MPDZ: variants seen among roughly 807,000 people sequenced by gnomAD.
MPDZ encodes multiple PDZ domain protein.
Under a neutral mutation model 239.1 loss-of-function variants are expected in MPDZ, and 234 were observed. That is an observed-to-expected ratio of 0.98 (90% CI 0.88 to 1.09). The LOEUF is 1.09. Ranked by LOEUF, MPDZ falls within the 50% of genes least tolerant of loss-of-function variation. The pLI is 0.00. For missense variants in MPDZ, 3,175 were observed against 2,510.0 expected, an observed-to-expected ratio of 1.26 and a Z score of -5.66; for synonymous variants, 1,048 against 881.3, an observed-to-expected ratio of 1.19 and a Z score of -3.35.
At chr9:13,173,211 A>T (rs1952014556) in intron 21 of MPDZ, among the ~76,000 whole-genome samples, 1 of 152,208 alleles carries the variant, frequency 6.6e-6, no homozygotes, top group Non-Finnish European at 1.5e-5. Flanking sequence ...TGGCTACACA[A>T]CAATGTGAGT....
chr9:13,130,089 C>G (rs995900100), intron 32 of MPDZ, among the ~76,000 whole-genome samples: 2 of 152,140 alleles, frequency 1.3e-5, no homozygotes, highest in Middle Eastern at 3.2e-3. Flanking sequence ...AGGCTACTAC[C>G]TGCTTTGATG....
At chr9:13,279,182 C>T (rs1179222023) in intron 1 of MPDZ, 1 of 149,284 alleles carries the variant, frequency 6.7e-6, no homozygotes, top group South Asian at 2.1e-4. Context: ...GCGGCTTCCG[C>T]GAAGCGCCGG....
chr9:13,112,296 T>C (rs983160042), intron 42 of MPDZ, 150 bp from the exon 43 acceptor site: 6 of 736,456 alleles, frequency 8.1e-6, no homozygotes, highest in African/African-American at 3.6e-5. Flanking sequence ...TTACTTTACT[T>C]GACACAGGTG....
chr9:13,129,462 C>G (rs1945619728), intron 32 of MPDZ, among the ~76,000 whole-genome samples: 1 of 144,280 alleles, frequency 6.9e-6, no homozygotes, highest in African/African-American at 2.7e-5. Flanking sequence ...GACTCAGTCT[C>G]AAAAATAAAT....
At chr9:13,174,230 A>G (rs985430274) in intron 21 of MPDZ, among the ~76,000 whole-genome samples, 1 of 152,218 alleles carries the variant, frequency 6.6e-6, no homozygotes, top group Non-Finnish European at 1.5e-5. Flanking sequence ...CTCTGTAAGT[A>G]TCTATTATAG....
intron 17 of MPDZ, among the ~76,000 whole-genome samples, chr9:13,188,174 T>C (rs946943072): frequency 6.6e-6 from 1 of 152,180 alleles, no homozygotes. Context: ...GTAAGCCATA[T>C]TCATTTGAAA....
intron 43 of MPDZ, among the ~76,000 whole-genome samples, chr9:13,111,098 G>C (rs1325482484): frequency 1.3e-5 from 2 of 152,202 alleles, no homozygotes; most frequent in African/African-American, 4.8e-5. Flanking sequence ...ATAATCATTA[G>C]ATGTGACTCT....
At chr9:13,119,167 G>T (rs1475266441) in intron 39 of MPDZ, among the ~76,000 whole-genome samples, 3 of 152,032 alleles carry the variant, frequency 2.0e-5, no homozygotes, top group Admixed American at 2.0e-4. Context: ...GAATTCAGTG[G>T]TGTGACCCCA....
chr9:13,239,112 T>C (rs1459809769), intron 3 of MPDZ, among the ~76,000 whole-genome samples: 5 of 152,140 alleles, frequency 3.3e-5, no homozygotes, highest in Non-Finnish European at 7.4e-5. Flanking sequence ...TCTTACTTAA[T>C]ATCACCTACT....
chr9:13,116,976 C>T (rs926276243), intron 39 of MPDZ, among the ~76,000 whole-genome samples: 1 of 151,968 alleles, frequency 6.6e-6, no homozygotes, highest in African/African-American at 2.4e-5. Context: ...GTTCTAAGAC[C>T]CCCCGCCAGT....
chr9:13,136,005 C>T (rs2132245110), intron 31 of MPDZ, 87 bp downstream of exon 31: 1 of 885,168 alleles, frequency 1.1e-6, no homozygotes, highest in African/African-American at 1.7e-5. Flanking sequence ...TAATATCCCT[C>T]TCTAAGTGTT....
At chr9:13,179,331 A>G (rs959012334) in intron 19 of MPDZ, among the ~76,000 whole-genome samples, 1 of 152,204 alleles carries the variant, frequency 6.6e-6, no homozygotes, top group African/African-American at 2.4e-5. Context: ...TATAATAATT[A>G]GTAAATCATC....
Position 13,123,219 on chromosome 9 carries a change from G to A in MPDZ, c.4887C>T (p.Thr1629=), listed in dbSNP as rs1378131708. Residue 1629 remains threonine, a synonymous_variant, in exon 36 of 47, where the codon ACC becomes ACT. Coordinates refer to ENST00000319217, the MANE Select transcript of MPDZ (RefSeq NM_001378778.1). The part of the protein sequence containing the change: ...TCPIIPGCET[T]IEISKGRTGL... ...CTGTTCGCCCTTTGGAAATCTCGAT[G>A]GTTGTTTCGCAGCCAGGGATAATGG... 5 of 1,613,592 alleles carry A rather than the reference G, an allele frequency of 3.1e-6. No homozygotes were observed. The highest frequency in any genetic ancestry group is 1.7e-4 in the Middle Eastern group (1 of 5,868).
In MPDZ at chr9:13,183,508, G is replaced by C. The variant is rs1953665414; in HGVS notation, c.2559C>G (p.Tyr853Ter). ...SPYSPENDSI[Y>*]STQASILSLH... The stretch of plus-strand genomic sequence containing the variant: ...GAGATAAAATAGAGGCTTGAGTAGA[G>C]TAGATGCTGTCATTTTCAGGAGAGT... The change falls in exon 19 of 47, where the codon TAC (tyrosine) becomes TAG (stop). Residue 853 changes from tyrosine to a stop codon, truncating the protein, a stop_gained. Transcript: ENST00000319217. LOFTEE classifies it high-confidence loss of function. The C allele has an allele frequency of 6.2e-7, 1 of 1,612,328 alleles. No individual in the cohort carries two copies. Among genetic ancestry groups the C allele is most frequent in the Non-Finnish European group, 8.5e-7 (1 of 1,179,050 alleles).
At chr9:13,139,949 C>A (rs1170267581) in intron 28 of MPDZ, 38 bp downstream of exon 28, 1 of 1,609,008 alleles carries the variant, frequency 6.2e-7, no homozygotes, top group Admixed American at 1.7e-5. Flanking sequence ...TATTTTAATA[C>A]CTCTTACAAT....
chr9:13,111,078 C>T (rs1222952861), intron 43 of MPDZ, among the ~76,000 whole-genome samples: 43 of 152,302 alleles, frequency 2.8e-4, no homozygotes, highest in Non-Finnish European at 1.0e-4. Flanking sequence ...TTTCTCTGGA[C>T]ATTACTATTA....
At position 13,192,233 on chromosome 9, in the gene MPDZ, C is replaced by T; in HGVS notation, c.1866G>A (p.Leu622=). The stretch of plus-strand genomic sequence containing the variant: ...AGCACACCATTGTCACTTCTATAGG[C>T]AGTTCTTTTAAGATATTCACCACAT... The part of the protein sequence containing the change: ...HQDVVNILKE[L]PIEVTMVCCR... Residue 622 remains leucine (L), a synonymous_variant, in exon 15 of 47, where the codon CTG becomes CTA. Coordinates refer to ENST00000319217, the MANE Select transcript of MPDZ (RefSeq NM_001378778.1). 1 of 1,607,756 alleles carries T rather than the reference C, an allele frequency of 6.2e-7. No homozygotes were observed. Among genetic ancestry groups the T allele is most frequent in the Non-Finnish European group, 8.5e-7 (1 of 1,176,622 alleles).
Position 13,110,741 on chromosome 9 carries a change from C to G in MPDZ, c.5725-1G>C, listed in dbSNP as rs756828102. ...AGATGGTGACAATCCTATCCCCAACCTGCAAGGGAGAGAAAGAAACAGCCA... is the reference window on the plus strand; with the variant it reads ...AGATGGTGACAATCCTATCCCCAACGTGCAAGGGAGAGAAAGAAACAGCCA... On this transcript the variant is annotated splice_acceptor_variant, in intron 43 of 46. Transcript: ENST00000319217. LOFTEE classifies it high-confidence loss of function. 6.2e-7 allele frequency: 1 copy of G among 1,610,774 alleles called. No individual in the cohort carries two copies. Among genetic ancestry groups the G allele is most frequent in the Admixed American group, 1.7e-5 (1 of 59,676 alleles).
chr9:13,108,873 G>T, intron 46 of MPDZ, 63 bp downstream of exon 46: 1 of 1,540,448 alleles, frequency 6.5e-7, no homozygotes, highest in Non-Finnish European at 8.8e-7. Context: ...TAATAAGCCA[G>T]CTGCTGACCA....
Sources: gnomAD v4.1 joint callset for allele counts (sites outside exome capture counted in the v4.1 genomes callset) on GRCh38, gnomAD v4.1.1 for gene constraint, MANE v1.5 for transcripts, NCBI Gene and HGNC (gene_info 2026-07-23, HGNC 2026-07-21) for gene names.